Variants in RSU1 observed in about 807,000 individuals in gnomAD.
RSU1 encodes rsu-1.
A neutral mutation model predicts 31.1 loss-of-function variants in RSU1; 26 were observed. The observed-to-expected ratio is 0.84, with a 90% CI of 0.61 to 1.16. The LOEUF (loss-of-function observed/expected upper bound fraction) is 1.16. Among genes scored for constraint, RSU1 ranks in the 50% most tolerant of loss-of-function variants. The probability of loss-of-function intolerance (pLI) is 0.00; values close to 1 mark genes in which losing one functional copy is unlikely to be tolerated. For missense variants in RSU1, 320 were observed against 339.1 expected, an observed-to-expected ratio of 0.94 and a Z score of 0.44; for synonymous variants, 164 against 136.3, an observed-to-expected ratio of 1.20 and a Z score of -1.41.
chr10:16,627,231 C>T (rs1277272617), intron 8 of RSU1, among the ~76,000 whole-genome samples: 3 of 152,162 alleles, frequency 2.0e-5, no homozygotes, highest in African/African-American at 7.2e-5. Flanking sequence ...CCGTTATAGC[C>T]AGAAACAAGT....
chr10:16,697,552 C>G (rs1835703166), intron 7 of RSU1, among the ~76,000 whole-genome samples: 1 of 151,838 alleles, frequency 6.6e-6, no homozygotes, highest in East Asian at 1.9e-4. Flanking sequence ...TAGTCCCAGC[C>G]TCTTGGGAGG....
At chr10:16,619,583 T>A (rs1392553992) in intron 8 of RSU1, among the ~76,000 whole-genome samples, 1 of 152,222 alleles carries the variant, frequency 6.6e-6, no homozygotes, top group Non-Finnish European at 1.5e-5. Flanking sequence ...GTGCCTCGTG[T>A]GTTTCCTTGA....
intron 7 of RSU1, among the ~76,000 whole-genome samples, chr10:16,715,035 C>G (rs1213972938): frequency 2.0e-5 from 3 of 152,194 alleles, no homozygotes; most frequent in Admixed American, 6.5e-5. Context: ...CAAGTCTCCA[C>G]TGGGGGAGAC....
At chr10:16,663,214 T>C (rs1192064912) in intron 8 of RSU1, among the ~76,000 whole-genome samples, 2 of 152,120 alleles carry the variant, frequency 1.3e-5, no homozygotes, top group Non-Finnish European at 2.9e-5. Flanking sequence ...AGGCAGTCCA[T>C]TCAAAGGCAT....
intron 4 of RSU1, among the ~76,000 whole-genome samples, chr10:16,759,014 G>A (rs1461256612): frequency 6.6e-6 from 1 of 152,132 alleles, no homozygotes; most frequent in African/African-American, 2.4e-5. Context: ...GGGGTTTCAG[G>A]CTATTTCAGC....
intron 8 of RSU1, among the ~76,000 whole-genome samples, chr10:16,671,490 C>A (rs1362534705): frequency 1.3e-5 from 2 of 152,110 alleles, no homozygotes; most frequent in Non-Finnish European, 2.9e-5. Context: ...GTTCTGTTGT[C>A]CAGGCTGGAG....
chr10:16,796,062 C>G (rs1164242238), intron 2 of RSU1, among the ~76,000 whole-genome samples: 1 of 152,188 alleles, frequency 6.6e-6, no homozygotes, highest in Non-Finnish European at 1.5e-5. Flanking sequence ...TGTACAAAAG[C>G]CACATGACTC....
At chr10:16,635,367 A>G (rs756319260) in intron 8 of RSU1, among the ~76,000 whole-genome samples, 5 of 152,148 alleles carry the variant, frequency 3.3e-5, no homozygotes, top group African/African-American at 4.8e-5. Context: ...CTCTAATATG[A>G]TAATACTTTC....
intron 7 of RSU1, among the ~76,000 whole-genome samples, chr10:16,714,885 C>T (rs927876224): frequency 2.6e-5 from 4 of 152,130 alleles, no homozygotes; most frequent in East Asian, 1.9e-4. Flanking sequence ...TGTGAGCTCC[C>T]GGCTACTCTC....
chr10:16,768,138 C>A (rs1315122087), intron 3 of RSU1, among the ~76,000 whole-genome samples: 2 of 152,214 alleles, frequency 1.3e-5, no homozygotes, highest in African/African-American at 4.8e-5. Context: ...ATGACCCCAG[C>A]TGACCTATGA....
At chr10:16,639,329 A>C (rs1166596435) in intron 8 of RSU1, among the ~76,000 whole-genome samples, 1 of 152,154 alleles carries the variant, frequency 6.6e-6, no homozygotes, top group Non-Finnish European at 1.5e-5. Context: ...CAATCCTTAA[A>C]TTTCCCTCAA....
At chr10:16,758,711 G>A (rs1837146195) in intron 4 of RSU1, among the ~76,000 whole-genome samples, 1 of 152,172 alleles carries the variant, frequency 6.6e-6, no homozygotes, top group African/African-American at 2.4e-5. Context: ...GGGAATGAGA[G>A]CTGTTGCTAG....
chr10:16,776,629 G>A (rs1325796619), intron 3 of RSU1, among the ~76,000 whole-genome samples: 1 of 152,016 alleles, frequency 6.6e-6, no homozygotes, highest in Admixed American at 6.6e-5. Flanking sequence ...TCAGGAAAAG[G>A]TTTTACATGG....
chr10:16,747,377 A>T (rs1189415302), intron 7 of RSU1, among the ~76,000 whole-genome samples: 1 of 152,078 alleles, frequency 6.6e-6, no homozygotes, highest in Non-Finnish European at 1.5e-5. Context: ...CCCTTAAGGC[A>T]TCTCAAATTT....
At chr10:16,620,763 T>A (rs547411826) in intron 8 of RSU1, among the ~76,000 whole-genome samples, 1 of 151,214 alleles carries the variant, frequency 6.6e-6, no homozygotes, top group South Asian at 2.1e-4. Context: ...GAGAATGGTG[T>A]GAACCCAGGA....
chr10:16,718,669 G>A (rs930650307), intron 7 of RSU1, among the ~76,000 whole-genome samples: 5 of 152,120 alleles, frequency 3.3e-5, no homozygotes, highest in African/African-American at 9.7e-5. Context: ...TTTAAAAATT[G>A]TAAAATAAAG....
chr10:16,673,421 G>C (rs1402388554), intron 8 of RSU1, among the ~76,000 whole-genome samples: 1 of 152,144 alleles, frequency 6.6e-6, no homozygotes. Context: ...TTAGGAGAAA[G>C]AAACAAAATA....
chr10:16,717,389 T>G (rs941093340), intron 7 of RSU1, among the ~76,000 whole-genome samples: 1 of 152,196 alleles, frequency 6.6e-6, no homozygotes, highest in African/African-American at 2.4e-5. Flanking sequence ...AAATTCTTCA[T>G]GCTAAAAATA....
intron 4 of RSU1, among the ~76,000 whole-genome samples, chr10:16,760,329 G>C (rs1350685307): frequency 6.6e-6 from 1 of 152,000 alleles, no homozygotes; most frequent in Non-Finnish European, 1.5e-5. Context: ...GACCAACATG[G>C]TGAAACGCCA....
Sources: allele counts gnomAD v4.1 joint callset (sites outside exome capture counted in the v4.1 genomes callset), GRCh38; gene constraint gnomAD v4.1.1; transcripts MANE v1.5; gene names NCBI Gene and HGNC (gene_info 2026-07-23, HGNC 2026-07-21).